The following DNAH5 variants were observed in gnomAD, a reference collection of about 807,000 sequenced individuals.
DNAH5 encodes the protein axonemal beta dynein heavy chain 5.
In DNAH5, 372 loss-of-function variants were observed where a neutral mutation model predicts 518.2. The ratio of observed to expected loss-of-function variants is 0.72; its 90% CI spans 0.66 to 0.78. DNAH5 has a LOEUF of 0.78. Among genes scored for constraint, DNAH5 ranks in the 30% least tolerant of loss-of-function variants. The pLI is 0.00. For missense variants in DNAH5, 5,523 were observed against 5,687.0 expected, an observed-to-expected ratio of 0.97 and a Z score of 0.93; for synonymous variants, 2,039 against 2,025.9, an observed-to-expected ratio of 1.01 and a Z score of -0.17.
rs61747516 is a variant in DNAH5, at chr5:13,876,779, C to T, written c.3301G>A (p.Val1101Met). The change falls in exon 22 of 79, where the codon GTG (valine) becomes ATG (methionine). Residue 1101 changes from valine (V) to methionine (M), a missense_variant. Coordinates refer to ENST00000265104, the MANE Select transcript of DNAH5 (RefSeq NM_001369.3). ...TTCTTATAATAGTTCTTGGTTTGCACGGGAATGGGTAAATTTACAGATGCT... is the reference window on the plus strand; with the variant it reads ...TTCTTATAATAGTTCTTGGTTTGCATGGGAATGGGTAAATTTACAGATGCT... The part of the protein sequence containing the change: ...EIASVNLPIP[V>M]QTKNYYKNVS... 2.9e-3 allele frequency: 4,620 copies of T among 1,613,508 alleles called. 103 individuals are homozygous for T. The African/African-American group carries it at 0.049, about 17-fold the overall frequency.
At chr5:13,727,392 G>A (rs1579932969) in intron 70 of DNAH5, 115 bp downstream of exon 70, 2 of 978,972 alleles carry the variant, frequency 2.0e-6, no homozygotes, top group East Asian at 5.3e-5. Flanking sequence ...AAATCACACA[G>A]AGGCCTACAA....
intron 1 of DNAH5, among the ~76,000 whole-genome samples, chr5:14,000,881 A>G (rs1379041780): frequency 1.3e-5 from 2 of 152,220 alleles, no homozygotes; most frequent in Non-Finnish European, 2.9e-5. Context: ...TAGCAAAGAC[A>G]TGGAATCAAC....
At chr5:13,897,452 A>T (rs1774049479) in intron 15 of DNAH5, 1 of 152,230 alleles carries the variant, frequency 6.6e-6, no homozygotes, top group South Asian at 2.1e-4. Flanking sequence ...ATTTACCCAA[A>T]GATAATGATT....
intron 61 of DNAH5, among the ~76,000 whole-genome samples, chr5:13,756,216 T>C (rs541066503): frequency 3.3e-5 from 5 of 152,276 alleles, no homozygotes; most frequent in African/African-American, 1.2e-4. Flanking sequence ...GAACTGCAGA[T>C]TGGAACCCTT....
intron 18 of DNAH5, 121 bp downstream of exon 18, chr5:13,885,843 C>T: frequency 1.1e-6 from 1 of 922,274 alleles, no homozygotes; most frequent in Non-Finnish European, 1.7e-6. Flanking sequence ...TTATACATAT[C>T]ATTAGAAAAT....
chr5:13,718,965 G>A lies in DNAH5; in HGVS notation c.12416C>T (p.Pro4139Leu). The change falls in exon 72 of 79, where the codon CCC becomes CTC. Residue 4139 changes from proline to leucine, a missense_variant. Physicochemically the swap from Pro to Leu is moderately conservative, Grantham distance 98. Transcript: ENST00000265104. The stretch of plus-strand genomic sequence containing the variant: ...AATGGACATCTGAAGGAGTGTAATG[G>A]GAAACTGCTTATGAGCCTCGGTGGT... ...WMTTEAHKQF[P>L]ITLLQMSIKF... 2 of 1,614,098 alleles carry A rather than the reference G, an allele frequency of 1.2e-6. No homozygotes were observed.
At chr5:13,938,865 A>T (rs549180043) in intron 1 of DNAH5, among the ~76,000 whole-genome samples, 2 of 152,354 alleles carry the variant, frequency 1.3e-5, no homozygotes, top group South Asian at 4.1e-4. Context: ...ACTTCACTTT[A>T]TTTCATCTTC....
intron 65 of DNAH5, 116 bp downstream of exon 65, chr5:13,750,962 C>A (rs2126688269): frequency 8.5e-7 from 1 of 1,170,588 alleles, no homozygotes; most frequent in Non-Finnish European, 1.2e-6. Context: ...TGGAAAAAAA[C>A]ACAGGGAATA....
At chr5:13,879,908 A>C (rs894260348) in intron 21 of DNAH5, among the ~76,000 whole-genome samples, 4 of 152,144 alleles carry the variant, frequency 2.6e-5, no homozygotes, top group Non-Finnish European at 5.9e-5. Context: ...TAATGGCAAA[A>C]ACTTCCAAGC....
At chr5:13,909,258 C>T (rs1775701651) in intron 12 of DNAH5, among the ~76,000 whole-genome samples, 1 of 151,990 alleles carries the variant, frequency 6.6e-6, no homozygotes, top group Non-Finnish European at 1.5e-5. Context: ...TACATACAAA[C>T]ATAATAATGT....
Position 13,882,784 on chromosome 5 carries a change from A to T in DNAH5, c.3206T>A (p.Leu1069Ter). Residue 1069 changes from leucine (L) to a stop codon, truncating the protein, a stop_gained, in exon 21 of 79, where the codon TTG (leucine) becomes TAG (stop). Transcript: ENST00000265104. LOFTEE classifies it high-confidence loss of function. ...KKIQERKMAA[L>*]QSNEDSDSDV... ...AGAATCACTGTCTTCATTACTCTGC[A>T]AAGCAGCCATTTTTCTTTCTTGTAT... 1 of 1,614,138 alleles carries T rather than the reference A, an allele frequency of 6.2e-7. No homozygotes were observed. Among genetic ancestry groups the T allele is most frequent in the Non-Finnish European group, 8.5e-7 (1 of 1,179,960 alleles).
Position 13,885,201 on chromosome 5 carries a change from G to T in DNAH5, c.2771C>A (p.Thr924Asn), listed in dbSNP as rs367951191. 1.1e-5 allele frequency: 17 copies of T among 1,614,170 alleles called. No individual in the cohort carries two copies. Among genetic ancestry groups the T allele is most frequent in the Non-Finnish European group, 1.4e-5 (16 of 1,180,008 alleles). The part of the protein sequence containing the change: ...SAKREEGNFD[T>N]LTSSINARAN... ...CCTGGCATTAATAGATGATGTCAAGGTGTCAAAATTTCCTTCTTCTCTTTT... is the reference window on the plus strand; with the variant it reads ...CCTGGCATTAATAGATGATGTCAAGTTGTCAAAATTTCCTTCTTCTCTTTT... Residue 924 changes from threonine to asparagine, a missense_variant, in exon 19 of 79, where the codon ACC becomes AAC. Transcript: ENST00000265104.
At chr5:13,994,728 G>A (rs1460764697) in intron 1 of DNAH5, among the ~76,000 whole-genome samples, 1 of 152,156 alleles carries the variant, frequency 6.6e-6, no homozygotes, top group Non-Finnish European at 1.5e-5. Flanking sequence ...CAATTTGAGA[G>A]CTCTTCACCC....
intron 1 of DNAH5, among the ~76,000 whole-genome samples, chr5:13,950,905 G>C (rs1315470864): frequency 6.6e-6 from 1 of 151,994 alleles, no homozygotes; most frequent in East Asian, 1.9e-4. Context: ...TCATCTAAAG[G>C]ACAACCAACA....
At chr5:13,726,292 T>G (rs1485775246) in intron 70 of DNAH5, among the ~76,000 whole-genome samples, 1 of 152,132 alleles carries the variant, frequency 6.6e-6, no homozygotes, top group Non-Finnish European at 1.5e-5. Flanking sequence ...CTGCAGGACT[T>G]GAAAAGCCAA....
At chr5:13,877,657 G>T (rs932725902) in intron 21 of DNAH5, among the ~76,000 whole-genome samples, 3 of 152,196 alleles carry the variant, frequency 2.0e-5, no homozygotes, top group African/African-American at 7.2e-5. Context: ...GACACACTTG[G>T]ACATGGATCC....
At chr5:13,865,208 T>C (rs2151909972) in intron 27 of DNAH5, among the ~76,000 whole-genome samples, 1 of 152,082 alleles carries the variant, frequency 6.6e-6, no homozygotes, top group East Asian at 1.9e-4. Flanking sequence ...TTGGCCAGGA[T>C]AGTCTCAATC....
chr5:13,944,327 G>A (rs1352896785), intron 1 of DNAH5, 55 bp downstream of exon 1: 1 of 1,571,510 alleles, frequency 6.4e-7, no homozygotes, highest in African/African-American at 1.3e-5. Context: ...CCACCCAGGT[G>A]TGACAGATGA....
At chr5:13,909,602 T>C (rs527839895) in intron 12 of DNAH5, among the ~76,000 whole-genome samples, 1 of 152,300 alleles carries the variant, frequency 6.6e-6, no homozygotes, top group South Asian at 2.1e-4. Context: ...GATCTCCCTA[T>C]ACATTTTTGT....
Sources: gnomAD v4.1 joint callset for allele counts (sites outside exome capture counted in the v4.1 genomes callset) on GRCh38, gnomAD v4.1.1 for gene constraint, MANE v1.5 for transcripts, NCBI Gene and HGNC (gene_info 2026-07-23, HGNC 2026-07-21) for gene names.